Variants in NPTN observed in about 807,000 individuals in gnomAD.
NPTN encodes neuroplastin.
In NPTN, 5 loss-of-function variants were observed where a neutral mutation model predicts 42.7. That is an observed-to-expected ratio of 0.12 (90% CI 0.06 to 0.25). NPTN has a LOEUF of 0.25. NPTN is among the 10% of genes least tolerant of loss of function. The pLI, the probability that NPTN is intolerant of heterozygous loss-of-function variation, is 1.00. For missense variants in NPTN, 307 were observed against 525.4 expected (o/e 0.58, Z 4.06); for synonymous variants, 180 against 201.9 (o/e 0.89, Z 0.92).
At position 73,563,330 on chromosome 15, in the gene NPTN, T is replaced by A. The variant is rs565723129; in HGVS notation, c.1115-73A>T. 1.2e-4 allele frequency: 189 copies of A among 1,595,240 alleles called. 2 individuals carry two copies. The East Asian group carries it at 4.1e-3, about 35-fold the overall frequency. On this transcript the variant is annotated intron_variant, in intron 6 of 8. Coordinates refer to ENST00000345330, the MANE Select transcript of NPTN (RefSeq NM_012428.4). ...AAGGAGAAAACTGTTAGATTCTGCA[T>A]AAGGATTAACAGAATAGCAAACTGC...
rs1894598479 is a variant in NPTN at position 73,560,501 on chromosome 15, T to A, written c.*562A>T. The A allele has an allele frequency of 6.6e-6, 1 of 152,480 alleles. No homozygotes were observed. The highest frequency in any genetic ancestry group is 2.4e-5 in the African/African-American group (1 of 41,418). 9.4% of individuals were successfully genotyped at this position (152,480 alleles called of 1,614,324 possible). A position where few individuals can be genotyped will look rare whatever the true frequency, so the allele number is the denominator to read the frequency against. ...AGATTTCAGTTTATATTACTCATCT[T>A]TATGTACCAGAACTGCACAATTTCC... On this transcript the variant is annotated 3_prime_UTR_variant, in exon 9 of 9. Transcript: ENST00000345330.
intron 1 of NPTN, among the ~76,000 whole-genome samples, chr15:73,622,079 A>G (rs1309806594): frequency 6.6e-6 from 1 of 152,152 alleles, no homozygotes; most frequent in East Asian, 1.9e-4. Flanking sequence ...CGAACCCGGG[A>G]GATGGAGGTT....
chr15:73,604,166 A>T (rs1313582473), intron 1 of NPTN, among the ~76,000 whole-genome samples: 2 of 152,206 alleles, frequency 1.3e-5, no homozygotes, highest in African/African-American at 4.8e-5. Flanking sequence ...AAAAAAATTT[A>T]AAAGTATGAT....
At chr15:73,614,165 A>C (rs1427739347) in intron 1 of NPTN, among the ~76,000 whole-genome samples, 2 of 151,876 alleles carry the variant, frequency 1.3e-5, no homozygotes, top group Non-Finnish European at 2.9e-5. Flanking sequence ...TACAAAAAAA[A>C]AAAAAAAAGC....
chr15:73,590,519 C>T (rs1333136681), intron 3 of NPTN, among the ~76,000 whole-genome samples: 7 of 151,456 alleles, frequency 4.6e-5, no homozygotes, highest in Non-Finnish European at 7.4e-5. Context: ...TCCAGCACTT[C>T]GAGAGGCCAA....
intron 6 of NPTN, 160 bp from the exon 7 acceptor site, chr15:73,563,417 C>T: frequency 7.0e-7 from 1 of 1,438,166 alleles, no homozygotes; most frequent in Non-Finnish European, 9.1e-7. Context: ...AGGTGCAAAA[C>T]ACTCATGGAG....
intron 4 of NPTN, among the ~76,000 whole-genome samples, chr15:73,584,781 AAAAG>A (rs1354824014): frequency 1.3e-5 from 2 of 151,980 alleles, no homozygotes; most frequent in Non-Finnish European, 2.9e-5. Flanking sequence ...AAAAAAAAAA[AAAAG>A]GGAGAGAATT....
intron 4 of NPTN, among the ~76,000 whole-genome samples, chr15:73,580,488 T>C (rs1317854703): frequency 7.4e-6 from 1 of 135,558 alleles, no homozygotes; most frequent in Non-Finnish European, 1.5e-5. Flanking sequence ...CATAAATATA[T>C]ATATACATAA....
At chr15:73,583,511 G>C (rs1301852388) in intron 4 of NPTN, among the ~76,000 whole-genome samples, 2 of 152,178 alleles carry the variant, frequency 1.3e-5, no homozygotes, top group Non-Finnish European at 1.5e-5. Context: ...ACCTAGCACA[G>C]TGCCTGACCC....
chr15:73,565,855 G>A (rs1894964208), intron 6 of NPTN: 3 of 454,062 alleles, frequency 6.6e-6, no homozygotes, highest in South Asian at 1.6e-5. Flanking sequence ...CCCTATATCC[G>A]CCTCATCATC....
At chr15:73,621,831 G>A (rs1330060786) in intron 1 of NPTN, among the ~76,000 whole-genome samples, 1 of 152,104 alleles carries the variant, frequency 6.6e-6, no homozygotes, top group Non-Finnish European at 1.5e-5. Flanking sequence ...TATGTTTCAT[G>A]TTCCTTAATA....
At chr15:73,591,120 G>GA (rs1345374666) in intron 3 of NPTN, among the ~76,000 whole-genome samples, 1 of 152,040 alleles carries the variant, frequency 6.6e-6, no homozygotes, top group Non-Finnish European at 1.5e-5. Context: ...CCTTGCTTGG[G>GA]AAAAAAAGGA....
chr15:73,632,234 A>C (rs1898787590), intron 1 of NPTN, among the ~76,000 whole-genome samples: 1 of 148,026 alleles, frequency 6.8e-6, no homozygotes, highest in South Asian at 2.2e-4. Flanking sequence ...CCTGCATTTT[A>C]CTCCCTTCCC....
At chr15:73,563,992 C>T (rs984342332) in intron 6 of NPTN, among the ~76,000 whole-genome samples, 3 of 152,170 alleles carry the variant, frequency 2.0e-5, no homozygotes, top group African/African-American at 7.2e-5. Flanking sequence ...AGAAGCCAAA[C>T]CCAGGGGAGC....
chr15:73,607,690 TA>T (rs1432230898), intron 1 of NPTN, among the ~76,000 whole-genome samples: 1 of 152,206 alleles, frequency 6.6e-6, no homozygotes, highest in Non-Finnish European at 1.5e-5. Context: ...TTCCAAAGCA[TA>T]AATAGCTTAT....
chr15:73,591,909 C>T, intron 3 of NPTN, 57 bp downstream of exon 3: 1 of 1,508,698 alleles, frequency 6.6e-7, no homozygotes, highest in Non-Finnish European at 9.0e-7. Context: ...TTATGAATGT[C>T]AAGTAAGCTC....
At chr15:73,595,219 C>G (rs1446962226) in intron 2 of NPTN, among the ~76,000 whole-genome samples, 3 of 152,204 alleles carry the variant, frequency 2.0e-5, no homozygotes, top group African/African-American at 7.2e-5. Flanking sequence ...AGTATAAGTG[C>G]AAATGCCCAG....
At chr15:73,572,150 G>T (rs1895437785) in intron 5 of NPTN, among the ~76,000 whole-genome samples, 1 of 152,118 alleles carries the variant, frequency 6.6e-6, no homozygotes, top group South Asian at 2.1e-4. Flanking sequence ...TTATTATCAA[G>T]ATGTCATGAA....
intron 1 of NPTN, among the ~76,000 whole-genome samples, chr15:73,609,739 T>C (rs1375656843): frequency 1.3e-5 from 2 of 152,162 alleles, no homozygotes; most frequent in African/African-American, 4.8e-5. Context: ...TTTTTCCCCT[T>C]ACTTTTTTAT....
Sources: gnomAD v4.1 joint callset for allele counts (sites outside exome capture counted in the v4.1 genomes callset) on GRCh38, gnomAD v4.1.1 for gene constraint, MANE v1.5 for transcripts, NCBI Gene and HGNC (gene_info 2026-07-23, HGNC 2026-07-21) for gene names.